OPCML: variants seen among roughly 807,000 people sequenced by gnomAD.
OPCML encodes opioid binding protein/cell adhesion molecule like, also known as opioid-binding protein/cell adhesion molecule.
OPCML carries 13 observed loss-of-function variants against 37.8 expected under a neutral mutation model. That is an observed-to-expected ratio of 0.34 (90% CI 0.22 to 0.55). The LOEUF (loss-of-function observed/expected upper bound fraction) is 0.55, where lower values mean the gene tolerates loss of function less well. Ranked by LOEUF, OPCML falls within the 20% of genes least tolerant of loss-of-function variation. The pLI, the probability that OPCML is intolerant of heterozygous loss-of-function variation, is 0.91. For synonymous variants in OPCML, 176 were observed against 168.8 expected (o/e 1.04, Z -0.33); for missense variants, 341 against 435.6 (o/e 0.78, Z 1.93).
chr11:132,886,472 G>GCGA (rs1943421983), intron 2 of OPCML, among the ~76,000 whole-genome samples: 1 of 152,224 alleles, frequency 6.6e-6, no homozygotes. Context: ...CACCTTGGCA[G>GCGA]CGACCGTGAG....
chr11:133,202,790 C>T (rs1443589821), intron 1 of OPCML, among the ~76,000 whole-genome samples: 3 of 152,246 alleles, frequency 2.0e-5, no homozygotes, highest in Admixed American at 2.0e-4. Flanking sequence ...ACCCAACATG[C>T]TGCTTCATCT....
chr11:133,405,722 C>T (rs1039437650), intron 1 of OPCML, among the ~76,000 whole-genome samples: 139 of 139,750 alleles, frequency 9.9e-4, no homozygotes, highest in African/African-American at 3.8e-3. Flanking sequence ...CTGATATGTA[C>T]CCTTCTACAA....
intron 1 of OPCML, among the ~76,000 whole-genome samples, chr11:133,219,528 T>G (rs143029964): frequency 1.8e-3 from 274 of 152,366 alleles, no homozygotes; most frequent in African/African-American, 6.2e-3. Flanking sequence ...TTAGCATGGA[T>G]AAGAATCATC....
At chr11:133,057,317 T>C (rs1261698207) in intron 1 of OPCML, among the ~76,000 whole-genome samples, 3 of 152,104 alleles carry the variant, frequency 2.0e-5, no homozygotes, top group Admixed American at 1.3e-4. Context: ...TGGCATGGGG[T>C]TTGATTCAGA....
intron 2 of OPCML, among the ~76,000 whole-genome samples, chr11:132,765,270 AGT>A (rs1946397287): frequency 1.3e-5 from 2 of 152,234 alleles, no homozygotes; most frequent in Non-Finnish European, 2.9e-5. Context: ...GGCTAATGTG[AGT>A]AATAAGTAAA....
intron 3 of OPCML, among the ~76,000 whole-genome samples, chr11:132,589,521 A>G (rs1244361004): frequency 3.9e-5 from 6 of 152,240 alleles, no homozygotes; most frequent in South Asian, 2.1e-4. Flanking sequence ...AATTGCTACA[A>G]TGGAAAGTAA....
At position 132,676,113 on chromosome 11, in the gene OPCML, A is replaced by G. The variant is rs1330779127; in HGVS notation, c.147-18794T>C. Among the ~76,000 whole-genome samples, 3 of 152,194 alleles carry G rather than the reference A, an allele frequency of 2.0e-5. No homozygotes were observed. The East Asian group carries it at 5.8e-4, about 29-fold the overall frequency. ...TAAACATATAGATCAATGGAATAGAATTGAGAATTCAGAAATAAACTCTCA... is the reference window on the plus strand; with the variant it reads ...TAAACATATAGATCAATGGAATAGAGTTGAGAATTCAGAAATAAACTCTCA... On this transcript the variant is annotated intron_variant, in intron 2 of 7. Transcript: ENST00000524381.
intron 1 of OPCML, among the ~76,000 whole-genome samples, chr11:133,294,049 CAGTG>C (rs1440750996): frequency 6.6e-6 from 1 of 152,060 alleles, no homozygotes; most frequent in Non-Finnish European, 1.5e-5. Context: ...AAGGGAATCT[CAGTG>C]AGAGCTGCTC....
intron 4 of OPCML, among the ~76,000 whole-genome samples, chr11:132,493,700 G>C (rs2096223003): frequency 6.6e-6 from 1 of 152,196 alleles, no homozygotes; most frequent in African/African-American, 2.4e-5. Flanking sequence ...AAAAAGAATT[G>C]CCAATTTTGA....
At chr11:133,116,242 C>G (rs1949331669) in intron 1 of OPCML, among the ~76,000 whole-genome samples, 1 of 152,224 alleles carries the variant, frequency 6.6e-6, no homozygotes, top group Non-Finnish European at 1.5e-5. Flanking sequence ...GCTGAGATTA[C>G]AGGTGTGAGC....
chr11:133,186,371 A>G (rs1452765778), intron 1 of OPCML, among the ~76,000 whole-genome samples: 1 of 152,198 alleles, frequency 6.6e-6, no homozygotes, highest in Non-Finnish European at 1.5e-5. Context: ...ATTTATAAAT[A>G]TCACTTCTGT....
rs1210481344 is a variant in OPCML, at chr11:133,213,102, C to A, written c.62-270092G>T. Reference sequence around the variant, plus strand: ...GAGCAACACCATGGACTTTTCTGTGCCTCAATTTTCTCATCTCTCAAGCTG... The same window carrying A: ...GAGCAACACCATGGACTTTTCTGTGACTCAATTTTCTCATCTCTCAAGCTG... On this transcript the variant is annotated intron_variant, in intron 1 of 7. Transcript: ENST00000524381. Among the ~76,000 whole-genome samples the A allele has an allele frequency of 8.5e-5, 13 of 152,230 alleles. No individual in the cohort carries two copies. In the East Asian group the frequency reaches 2.5e-3, roughly 29 times the overall value.
chr11:132,481,392 A>C (rs1036149893), intron 4 of OPCML, among the ~76,000 whole-genome samples: 3 of 151,746 alleles, frequency 2.0e-5, no homozygotes, highest in Non-Finnish European at 4.4e-5. Flanking sequence ...ATATGCACCC[A>C]ATACAGGAGC....
chr11:132,520,847 T>A (rs1320833546), intron 4 of OPCML, among the ~76,000 whole-genome samples: 1 of 152,144 alleles, frequency 6.6e-6, no homozygotes, highest in Admixed American at 6.6e-5. Context: ...TATGTGTGGA[T>A]GTGTCTTTAT....
chr11:133,139,201 T>C (rs1218010295), intron 1 of OPCML, among the ~76,000 whole-genome samples: 1 of 152,232 alleles, frequency 6.6e-6, no homozygotes, highest in Non-Finnish European at 1.5e-5. Context: ...AATTGAACTA[T>C]ATAAATCAGC....
rs557544627 is a variant in OPCML at position 133,515,336 on chromosome 11, G to A, written c.61+16928C>T. Among the ~76,000 whole-genome samples, 5 of 152,274 alleles carry A rather than the reference G, an allele frequency of 3.3e-5. No individual in the cohort carries two copies. The South Asian group carries it at 1.0e-3, about 32-fold the overall frequency. On this transcript the variant is annotated intron_variant, in intron 1 of 7. Transcript: ENST00000524381. ...ACCAGAAATGATTTTGCTCCCCAGG[G>A]GGCATTTGGCTGTGTCTAGAGACAT...
intron 1 of OPCML, among the ~76,000 whole-genome samples, chr11:133,035,076 G>T (rs1191362920): frequency 1.3e-5 from 2 of 152,176 alleles, no homozygotes; most frequent in Non-Finnish European, 1.5e-5. Flanking sequence ...TGCTCTGGGA[G>T]AGTAGCCTTT....
intron 4 of OPCML, among the ~76,000 whole-genome samples, chr11:132,462,840 G>A (rs2136918440): frequency 6.6e-6 from 1 of 152,316 alleles, no homozygotes; most frequent in East Asian, 1.9e-4. Flanking sequence ...CAACACTCAA[G>A]TTTGTATCTG....
intron 1 of OPCML, among the ~76,000 whole-genome samples, chr11:133,047,885 C>G (rs549398148): frequency 4.3e-4 from 66 of 152,216 alleles, no homozygotes; most frequent in Admixed American, 1.8e-3. Flanking sequence ...GAGATGTTAG[C>G]CAGGCTTCCT....
Sources: gnomAD v4.1 joint callset for allele counts (sites outside exome capture counted in the v4.1 genomes callset) on GRCh38, gnomAD v4.1.1 for gene constraint, MANE v1.5 for transcripts, NCBI Gene and HGNC (gene_info 2026-07-23, HGNC 2026-07-21) for gene names.